Variants in MYOM2 observed in about 807,000 individuals in gnomAD.
MYOM2 encodes myomesin 2, also known as myomesin-2.
In MYOM2, 254 loss-of-function variants were observed where a neutral mutation model predicts 187.6. The observed-to-expected ratio is 1.35, with a 90% CI of 1.22 to 1.50. MYOM2 has a LOEUF of 1.50. Ranked by LOEUF, MYOM2 falls within the 40% of genes most tolerant of loss-of-function variation. The probability of loss-of-function intolerance (pLI) is 0.00; values close to 1 mark genes in which losing one functional copy is unlikely to be tolerated. For missense variants in MYOM2, 2,796 were observed against 1,924.0 expected (o/e 1.45, Z -8.48); for synonymous variants, 981 against 753.8 (o/e 1.30, Z -4.94).
Position 2,069,361 on chromosome 8 carries a change from T to C in MYOM2, c.737T>C (p.Val246Ala), listed in dbSNP as rs762311427. 2 of 1,613,998 alleles carry C rather than the reference T, an allele frequency of 1.2e-6. No homozygotes were observed. The highest frequency in any genetic ancestry group is 1.7e-6 in the Non-Finnish European group (2 of 1,179,918). Reference sequence around the variant, plus strand: ...GTGTCCACCAACGCGGCGGTGGTGGTGAGAAGTGAGTGCCGGGTGGGCTTT... The same window carrying C: ...GTGTCCACCAACGCGGCGGTGGTGGCGAGAAGTGAGTGCCGGGTGGGCTTT... ...GQVSTNAAVV[V>A]RRFRGDEEPF... is the part of the protein sequence containing the mutation. Residue 246 changes from valine to alanine, a missense_variant, in exon 7 of 37, where the codon GTG becomes GCG. By Grantham distance (64) the Val-to-Ala change is moderately conservative. Transcript: ENST00000262113.
At chr8:2,105,886 A>G (rs779311544) in intron 21 of MYOM2, among the ~76,000 whole-genome samples, 2 of 152,176 alleles carry the variant, frequency 1.3e-5, no homozygotes, top group African/African-American at 4.8e-5. Flanking sequence ...TGACTTATAA[A>G]GAAAAGAGGT....
At chr8:2,072,274 G>A (rs1011644562) in intron 8 of MYOM2, 71 bp from the exon 9 acceptor site, 13 of 1,253,044 alleles carry the variant, frequency 1.0e-5, no homozygotes, top group African/African-American at 8.3e-5. Context: ...TCTGCCCTTC[G>A]GCCATGAAAG....
rs1585936403 is a variant in MYOM2 at position 2,117,904 on chromosome 8, C to T, written c.3405C>T (p.Tyr1135=). The T allele has an allele frequency of 6.2e-7, 1 of 1,612,746 alleles. No individual in the cohort carries two copies. ...CCCTAGGCCCTCATTTTGCTGAGTACTTGCACTGGGATGTCACGGAAGAAT... is the reference window on the plus strand; with the variant it reads ...CCCTAGGCCCTCATTTTGCTGAGTATTTGCACTGGGATGTCACGGAAGAAT... The part of the protein sequence containing the change: ...LRKQGPHFAE[Y]LHWDVTEECE... Residue 1135 remains tyrosine, a synonymous_variant, in exon 28 of 37, where the codon TAC becomes TAT. Coordinates refer to ENST00000262113, the MANE Select transcript of MYOM2 (RefSeq NM_003970.4).
chr8:2,094,098 C>T lies in MYOM2; in HGVS notation c.2125+7C>T, dbSNP rs760927306. ...AAAGTGCAGGCCGCACTCAGTAAGT[C>T]ACTCACAGGCTGTTGTGTGCCGATT... is the stretch of plus-strand genomic sequence containing the variant. On this transcript the variant is annotated splice_region_variant and intron_variant, in intron 17 of 36. Transcript: ENST00000262113. The T allele has an allele frequency of 6.2e-7, 1 of 1,614,004 alleles. No homozygotes were observed. The highest frequency in any genetic ancestry group is 8.5e-7 in the Non-Finnish European group (1 of 1,179,974).
At chr8:2,047,251 T>C (rs1818339367) in intron 1 of MYOM2, among the ~76,000 whole-genome samples, 1 of 152,106 alleles carries the variant, frequency 6.6e-6, no homozygotes, top group Non-Finnish European at 1.5e-5. Context: ...AGTGGGGATT[T>C]GCTTGCAAAG....
At chr8:2,070,767 G>C (rs536754578) in intron 8 of MYOM2, among the ~76,000 whole-genome samples, 2 of 152,156 alleles carry the variant, frequency 1.3e-5, no homozygotes, top group East Asian at 3.8e-4. Context: ...GTTTTTCGTC[G>C]AAGTCAAATT....
chr8:2,109,764 T>C, intron 25 of MYOM2, among the ~76,000 whole-genome samples: 1 of 152,228 alleles, frequency 6.6e-6, no homozygotes. Flanking sequence ...CCTGTTGGAA[T>C]TAAAAATGAC....
intron 15 of MYOM2, 26 bp from the exon 16 acceptor site, chr8:2,092,320 C>A: frequency 1.2e-6 from 2 of 1,609,698 alleles, no homozygotes; most frequent in Non-Finnish European, 1.7e-6. Context: ...TGCCATTTCA[C>A]CACTCCTTTT....
intron 13 of MYOM2, among the ~76,000 whole-genome samples, chr8:2,083,731 T>C (rs1294185410): frequency 6.6e-6 from 1 of 152,184 alleles, no homozygotes; most frequent in African/African-American, 2.4e-5. Context: ...CCTCTCTCCA[T>C]GGTTGGAGAA....
At chr8:2,084,172 C>G (rs972390927) in intron 13 of MYOM2, among the ~76,000 whole-genome samples, 2 of 152,120 alleles carry the variant, frequency 1.3e-5, no homozygotes, top group Non-Finnish European at 2.9e-5. Flanking sequence ...ACACGGTGCA[C>G]GGGTGGAGAG....
rs549382848 is a variant in MYOM2 at position 2,127,536 on chromosome 8, C to G, written c.3695-1591C>G. Among the ~76,000 whole-genome samples, 12 of 152,358 alleles carry G rather than the reference C, an allele frequency of 7.9e-5. No individual in the cohort carries two copies. The South Asian group carries it at 1.2e-3, about 16-fold the overall frequency. Reference sequence around the variant, plus strand: ...GGGTGGTTTCCTCCTTTGCAGTGGACTAGCGGGGTTTAGGGAGGTGTGGAA... The same window carrying G: ...GGGTGGTTTCCTCCTTTGCAGTGGAGTAGCGGGGTTTAGGGAGGTGTGGAA... On this transcript the variant is annotated intron_variant, in intron 31 of 36. Coordinates refer to ENST00000262113, the MANE Select transcript of MYOM2 (RefSeq NM_003970.4).
chr8:2,074,181 C>T (rs1819335019), intron 10 of MYOM2, among the ~76,000 whole-genome samples: 1 of 152,190 alleles, frequency 6.6e-6, no homozygotes, highest in African/African-American at 2.4e-5. Context: ...CTATTGTATA[C>T]AGCCTATAGG....
chr8:2,120,680 T>TATATAATATATATATATATATA, intron 28 of MYOM2, among the ~76,000 whole-genome samples: 16 of 48,294 alleles, frequency 3.3e-4, no homozygotes, highest in Non-Finnish European at 4.9e-4. Flanking sequence ...ATATATTATA[T>TATATAATATATATATATATATA]TATATATAAA....
intron 6 of MYOM2, among the ~76,000 whole-genome samples, chr8:2,060,167 A>G (rs1476435577): frequency 6.6e-6 from 1 of 152,178 alleles, no homozygotes; most frequent in Non-Finnish European, 1.5e-5. Context: ...CAGCAGTAGT[A>G]TCTTGTGGCA....
intron 11 of MYOM2, among the ~76,000 whole-genome samples, chr8:2,077,767 C>G (rs986589350): frequency 9.9e-5 from 15 of 152,202 alleles, no homozygotes; most frequent in African/African-American, 3.6e-4. Flanking sequence ...AAATTCAAAG[C>G]AACGGAACAC....
In MYOM2 at chr8:2,085,348, C is replaced by G. The variant is rs1400626948; in HGVS notation, c.1602C>G (p.Pro534=). 4 of 1,614,038 alleles carry G rather than the reference C, an allele frequency of 2.5e-6. No homozygotes were observed. The highest frequency in any genetic ancestry group is 3.4e-6 in the Non-Finnish European group (4 of 1,179,966). The change falls in exon 14 of 37, where the codon CCC becomes CCG. Residue 534 remains proline, a synonymous_variant. Transcript: ENST00000262113. ...RNYVVLSWEP[P]TPRGKDPLMY... Reference sequence around the variant, plus strand: ...ATGTCGTCCTCAGCTGGGAGCCACCCACTCCCCGTGGCAAGGACCCGCTCA... The same window carrying G: ...ATGTCGTCCTCAGCTGGGAGCCACCGACTCCCCGTGGCAAGGACCCGCTCA...
At chr8:2,100,189 C>CTTCCTTCT (rs1796658499) in intron 19 of MYOM2, among the ~76,000 whole-genome samples, 2 of 148,634 alleles carry the variant, frequency 1.3e-5, no homozygotes, top group African/African-American at 5.0e-5. Flanking sequence ...TCCTTCCTTC[C>CTTCCTTCT]CTCCCTGCCT....
intron 2 of MYOM2, among the ~76,000 whole-genome samples, chr8:2,051,418 A>G (rs1818481059): frequency 6.6e-6 from 1 of 152,078 alleles, no homozygotes; most frequent in Non-Finnish European, 1.5e-5. Flanking sequence ...CCCCATGGAC[A>G]CTGTTTGTGT....
At chr8:2,096,886 A>G (rs1796509773) in intron 18 of MYOM2, among the ~76,000 whole-genome samples, 1 of 152,176 alleles carries the variant, frequency 6.6e-6, no homozygotes, top group African/African-American at 2.4e-5. Context: ...CCTCCCAGAG[A>G]GTCCCTTGCC....
Sources: gnomAD v4.1 joint callset for allele counts (sites outside exome capture counted in the v4.1 genomes callset) on GRCh38, gnomAD v4.1.1 for gene constraint, MANE v1.5 for transcripts, NCBI Gene and HGNC (gene_info 2026-07-23, HGNC 2026-07-21) for gene names.